TRAPPC9: variants seen among roughly 807,000 people sequenced by gnomAD.
TRAPPC9 encodes IKK2 binding protein.
TRAPPC9 carries 83 observed loss-of-function variants against 124.0 expected under a neutral mutation model. The observed-to-expected ratio is 0.67, with a 90% confidence interval of 0.56 to 0.80. The LOEUF is 0.80. TRAPPC9 is among the 30% of genes least tolerant of loss of function. TRAPPC9 has a pLI of 0.00. For missense variants in TRAPPC9, 1,302 were observed against 1,508.3 expected (o/e 0.86, Z 2.27); for synonymous variants, 638 against 617.5 (o/e 1.03, Z -0.49).
chr8:140,231,481 C>CTTTTTTTT lies in TRAPPC9; in HGVS notation c.2432-9906_2432-9899dup, dbSNP rs71320347. On this transcript the variant is annotated intron_variant, in intron 16 of 22. Coordinates refer to ENST00000438773, the MANE Select transcript of TRAPPC9 (RefSeq NM_001160372.4). ...AACTGCTAGTAAATCACTGCCTTTT[C>CTTTTTTTT]TTTTTTTTTTTTTTTTTTTTTTTTT... 1.9e-3 allele frequency among the ~76,000 whole-genome samples: 111 copies of CTTTTTTTT among 56,996 alleles called. 20 individuals carry two copies. The highest frequency in any genetic ancestry group is 7.2e-3 in the African/African-American group (99 of 13,770). The allele number at this position is 56,996 out of a possible 152,430, so 37.4% of individuals were successfully genotyped here. A position where few individuals can be genotyped will look rare whatever the true frequency, so the allele number is the denominator to read the frequency against.
intron 21 of TRAPPC9, among the ~76,000 whole-genome samples, chr8:139,811,219 A>T (rs1260538743): frequency 6.6e-6 from 1 of 152,230 alleles, no homozygotes; most frequent in African/African-American, 2.4e-5. Context: ...AAATAAAAAA[A>T]TTTAATACAG....
chr8:140,051,557 C>A (rs1020250723), intron 17 of TRAPPC9, among the ~76,000 whole-genome samples: 1 of 145,322 alleles, frequency 6.9e-6, no homozygotes. Flanking sequence ...GGCACCCACA[C>A]AGGAAAACAT....
At chr8:140,217,397 G>C (rs1019702129) in intron 17 of TRAPPC9, among the ~76,000 whole-genome samples, 2 of 152,162 alleles carry the variant, frequency 1.3e-5, no homozygotes, top group Admixed American at 1.3e-4. Flanking sequence ...TGAGGGACTG[G>C]AGTCTGAGGA....
intron 19 of TRAPPC9, among the ~76,000 whole-genome samples, chr8:139,957,927 G>A (rs1723108019): frequency 6.6e-6 from 1 of 152,212 alleles, no homozygotes; most frequent in African/African-American, 2.4e-5. Flanking sequence ...ATGTATCAGA[G>A]GTTTCTGCCA....
intron 21 of TRAPPC9, among the ~76,000 whole-genome samples, chr8:139,736,269 T>C (rs1818159277): frequency 6.6e-6 from 1 of 152,182 alleles, no homozygotes; most frequent in Non-Finnish European, 1.5e-5. Context: ...ACTATCCCAG[T>C]TTGCCCAGGG....
At chr8:140,010,455 A>T (rs978266030) in intron 18 of TRAPPC9, among the ~76,000 whole-genome samples, 1 of 152,242 alleles carries the variant, frequency 6.6e-6, no homozygotes. Context: ...GCAAATTCAG[A>T]TAAGGTTAAA....
chr8:139,891,685 C>A (rs1055207420), intron 20 of TRAPPC9, among the ~76,000 whole-genome samples: 2 of 152,214 alleles, frequency 1.3e-5, no homozygotes, highest in Non-Finnish European at 2.9e-5. Context: ...GGCTTGACAT[C>A]TTTCAAGAGG....
At chr8:140,029,739 A>G (rs1182412153) in intron 17 of TRAPPC9, among the ~76,000 whole-genome samples, 2 of 151,804 alleles carry the variant, frequency 1.3e-5, no homozygotes, top group East Asian at 3.9e-4. Context: ...TCAATTTTAT[A>G]TAATAAACAT....
intron 17 of TRAPPC9, among the ~76,000 whole-genome samples, chr8:140,041,714 G>A (rs888940707): frequency 6.6e-6 from 1 of 152,228 alleles, no homozygotes; most frequent in Non-Finnish European, 1.5e-5. Context: ...GCTCATGCCT[G>A]TAATCCCAGC....
intron 13 of TRAPPC9, among the ~76,000 whole-genome samples, chr8:140,287,326 G>A (rs1299482461): frequency 6.6e-6 from 1 of 152,134 alleles, no homozygotes; most frequent in African/African-American, 2.4e-5. Flanking sequence ...GAAGGAGCAG[G>A]AGGAAGGAAG....
chr8:140,326,972 C>G (rs558795330), intron 9 of TRAPPC9, among the ~76,000 whole-genome samples: 1 of 152,264 alleles, frequency 6.6e-6, no homozygotes, highest in South Asian at 2.1e-4. Flanking sequence ...ATCATCCAGG[C>G]CGGGCGCGGT....
intron 17 of TRAPPC9, among the ~76,000 whole-genome samples, chr8:140,173,544 A>C (rs1156800402): frequency 9.7e-5 from 12 of 123,308 alleles, no homozygotes; most frequent in African/African-American, 4.1e-4. Flanking sequence ...ACAGAGCAAG[A>C]CTCTGTCTCA....
At chr8:139,977,930 C>A (rs940074321) in intron 19 of TRAPPC9, among the ~76,000 whole-genome samples, 6 of 152,046 alleles carry the variant, frequency 3.9e-5, no homozygotes, top group Non-Finnish European at 8.8e-5. Flanking sequence ...ATCCACCCAC[C>A]ACGGCCTCCT....
At chr8:140,316,885 A>T (rs978927982) in intron 9 of TRAPPC9, among the ~76,000 whole-genome samples, 1 of 152,084 alleles carries the variant, frequency 6.6e-6, no homozygotes, top group Non-Finnish European at 1.5e-5. Flanking sequence ...CTTATTACTG[A>T]TTCAATTTTC....
At chr8:140,025,466 T>C (rs2131933678) in intron 17 of TRAPPC9, among the ~76,000 whole-genome samples, 1 of 152,130 alleles carries the variant, frequency 6.6e-6, no homozygotes, top group South Asian at 2.1e-4. Context: ...CATCAAAGAT[T>C]TGCAGATAAA....
intron 17 of TRAPPC9, among the ~76,000 whole-genome samples, chr8:140,154,053 T>C (rs1042424340): frequency 3.3e-5 from 5 of 152,240 alleles, no homozygotes; most frequent in Non-Finnish European, 7.3e-5. Flanking sequence ...TTTATACAGC[T>C]GTCGACTTTG....
intron 9 of TRAPPC9, 58 bp from the exon 10 acceptor site, chr8:140,311,432 C>T (rs1588135665): frequency 3.1e-6 from 5 of 1,599,604 alleles, no homozygotes; most frequent in Non-Finnish European, 3.4e-6. Context: ...AAGTGGCTGG[C>T]TTTCATTTTA....
intron 17 of TRAPPC9, chr8:140,099,297 A>C (rs1372970084): frequency 6.7e-6 from 1 of 149,822 alleles, no homozygotes; most frequent in Non-Finnish European, 1.5e-5. Flanking sequence ...CAAGGGAGAC[A>C]CCCAGCGAGG....
intron 18 of TRAPPC9, among the ~76,000 whole-genome samples, chr8:139,991,505 T>C (rs1227196019): frequency 2.0e-5 from 3 of 152,178 alleles, no homozygotes; most frequent in Admixed American, 2.0e-4. Flanking sequence ...TGTGTACCTT[T>C]CCATATGGCT....
Sources: gnomAD v4.1 joint callset for allele counts (sites outside exome capture counted in the v4.1 genomes callset) on GRCh38, gnomAD v4.1.1 for gene constraint, MANE v1.5 for transcripts, NCBI Gene and HGNC (gene_info 2026-07-23, HGNC 2026-07-21) for gene names.